Variants in SLC6A6 observed in about 807,000 individuals in gnomAD.
SLC6A6 encodes sodium- and chloride-dependent taurine transporter.
In SLC6A6, 16 loss-of-function variants were observed where a neutral mutation model predicts 68.8. The observed-to-expected ratio is 0.23, with a 90% CI of 0.16 to 0.35. The LOEUF is 0.35. Ranked by LOEUF, SLC6A6 falls within the 10% of genes least tolerant of loss-of-function variation. The pLI is 1.00. For missense variants in SLC6A6, 474 were observed against 802.8 expected (o/e 0.59, Z 4.95); for synonymous variants, 312 against 315.4 (o/e 0.99, Z 0.12).
At chr3:14,425,253 T>C (rs556017050) in intron 2 of SLC6A6, among the ~76,000 whole-genome samples, 5 of 152,310 alleles carry the variant, frequency 3.3e-5, no homozygotes, top group East Asian at 3.9e-4. Context: ...GGTCACCACT[T>C]GCAGCTGGGA....
intron 1 of SLC6A6, among the ~76,000 whole-genome samples, chr3:14,413,123 C>T (rs949935316): frequency 4.6e-5 from 7 of 152,206 alleles, no homozygotes; most frequent in Admixed American, 2.0e-4. Context: ...AGGCCCACAG[C>T]GGGATTTGGG....
intron 2 of SLC6A6, among the ~76,000 whole-genome samples, chr3:14,427,915 C>T (rs1699637496): frequency 6.6e-6 from 1 of 152,184 alleles, no homozygotes; most frequent in South Asian, 2.1e-4. Flanking sequence ...ATCCCAAGGG[C>T]CAGAAGGGTA....
intron 2 of SLC6A6, among the ~76,000 whole-genome samples, chr3:14,434,506 A>G (rs144181622): frequency 1.1e-3 from 164 of 152,348 alleles, no homozygotes; most frequent in African/African-American, 3.8e-3. Flanking sequence ...TGCCTGGCAC[A>G]TAGTAGGGTG....
chr3:14,406,573 G>A (rs192907019), intron 1 of SLC6A6, among the ~76,000 whole-genome samples: 16 of 152,312 alleles, frequency 1.1e-4, no homozygotes, highest in Admixed American at 7.8e-4. Flanking sequence ...CCGGTACACA[G>A]GCCATTAACT....
intron 14 of SLC6A6, among the ~76,000 whole-genome samples, chr3:14,482,415 C>G (rs1701029923): frequency 6.6e-6 from 1 of 152,246 alleles, no homozygotes; most frequent in African/African-American, 2.4e-5. Context: ...CTACCTTCAG[C>G]CTCCTCTCAG....
chr3:14,468,117 G>C lies in SLC6A6; in HGVS notation c.1001G>C (p.Ser334Thr), dbSNP rs1559310021. 6.2e-7 allele frequency: 1 copy of C among 1,614,162 alleles called. No individual in the cohort carries two copies. Among genetic ancestry groups the C allele is most frequent in the Non-Finnish European group, 8.5e-7 (1 of 1,180,030 alleles). Residue 334 changes from serine (S) to threonine (T), a missense_variant, in exon 9 of 15, where the codon AGT (serine) becomes ACT (threonine). By Grantham distance (58) the Ser-to-Thr change is moderately conservative. Around this residue, in one of 2 missense-constraint regions of SLC6A6, gnomAD observed 280 missense variants for 533.1 expected, o/e 0.53. Transcript: ENST00000622186. This position sits in a 1 kb window ranked among gnomAD's most constrained non-coding sequence, Gnocchi z 4.5. ...TGTATGCTGCTGGGATGCCTGAACA[G>C]TGGTACCAGTTTTGTGTCTGGCTTC... ...RDCMLLGCLNSGTSFVSGFAI... is the reference protein window; with the variant it reads ...RDCMLLGCLNTGTSFVSGFAI...
chr3:14,429,885 A>C (rs1184722584), intron 2 of SLC6A6, among the ~76,000 whole-genome samples: 1 of 152,146 alleles, frequency 6.6e-6, no homozygotes, highest in African/African-American at 2.4e-5. Context: ...CCCAAGGAGA[A>C]CTTTGAACTT....
chr3:14,482,743 G>T (rs1453781490), intron 14 of SLC6A6, among the ~76,000 whole-genome samples: 1 of 152,020 alleles, frequency 6.6e-6, no homozygotes, highest in East Asian at 1.9e-4. Flanking sequence ...GAAACTGGGG[G>T]GGCCCCTGGG....
chr3:14,441,560 T>C (rs1423409106), intron 2 of SLC6A6, among the ~76,000 whole-genome samples: 1 of 152,096 alleles, frequency 6.6e-6, no homozygotes, highest in Non-Finnish European at 1.5e-5. Context: ...AGTGAAACAA[T>C]TGGGGTCCCC....
Position 14,488,765 on chromosome 3 carries a change from C to T in SLC6A6, c.*3758C>T, listed in dbSNP as rs1559322484. 1 of 152,664 alleles carries T rather than the reference C, an allele frequency of 6.6e-6. No homozygotes were observed. Among genetic ancestry groups the T allele is most frequent in the Non-Finnish European group, 1.5e-5 (1 of 68,052 alleles). 9.5% of individuals were successfully genotyped at this position (152,664 alleles called of 1,614,324 possible). ...GCAGCCCTCCCCCTTTCCTTCTCTC[C>T]CTGATCCTCAGAATATATATTGTTG... On this transcript the variant is annotated 3_prime_UTR_variant, in exon 15 of 15. Coordinates refer to ENST00000622186, the MANE Select transcript of SLC6A6 (RefSeq NM_003043.6).
At position 14,445,839 on chromosome 3, in the gene SLC6A6, C is replaced by G; in HGVS notation, c.352C>G (p.Pro118Ala). 2 of 1,614,206 alleles carry G rather than the reference C, an allele frequency of 1.2e-6. No homozygotes were observed. Among genetic ancestry groups the G allele is most frequent in the Non-Finnish European group, 1.7e-6 (2 of 1,180,026 alleles). Residue 118 changes from proline to alanine, a missense_variant, in exon 4 of 15, where the codon CCC becomes GCC. Around this residue, in one of 2 missense-constraint regions of SLC6A6, gnomAD observed 280 missense variants for 533.1 expected, o/e 0.53. Transcript: ENST00000622186. ...GGITCWEKIC[P>A]LFSGIGYASV... ...CATCACCTGCTGGGAAAAGATCTGCCCCTTGTTCTCTGGTGAGTATGGGAC... is the reference window on the plus strand; with the variant it reads ...CATCACCTGCTGGGAAAAGATCTGCGCCTTGTTCTCTGGTGAGTATGGGAC...
intron 1 of SLC6A6, among the ~76,000 whole-genome samples, chr3:14,410,329 G>A (rs9810939): frequency 0.53 from 81,198 of 152,040 alleles, 22,909 homozygotes; most frequent in African/African-American, 0.68. Context: ...CAAACCTTCG[G>A]TGATATTGTT....
intron 9 of SLC6A6, among the ~76,000 whole-genome samples, chr3:14,469,685 C>G (rs775421839): frequency 7.2e-5 from 11 of 152,204 alleles, no homozygotes; most frequent in Non-Finnish European, 1.0e-4. Context: ...TGGACACATG[C>G]AACAACCTCT....
chr3:14,414,792 G>A (rs1242901212), intron 1 of SLC6A6, among the ~76,000 whole-genome samples: 1 of 152,220 alleles, frequency 6.6e-6, no homozygotes, highest in Non-Finnish European at 1.5e-5. Context: ...GCCTCCAAGA[G>A]TGCTGGGATT....
intron 9 of SLC6A6, among the ~76,000 whole-genome samples, chr3:14,469,020 G>A (rs538671911): frequency 7.9e-5 from 12 of 152,216 alleles, no homozygotes; most frequent in South Asian, 4.1e-4. Context: ...CAGGTGCCTC[G>A]ATTCTGGGAC....
chr3:14,436,455 C>T (rs1699853043), intron 2 of SLC6A6, among the ~76,000 whole-genome samples: 1 of 150,428 alleles, frequency 6.6e-6, no homozygotes, highest in African/African-American at 2.4e-5. Context: ...CCTTTCACTT[C>T]AGCCTTCCAG....
At position 14,479,018 on chromosome 3, in the gene SLC6A6, C is replaced by T. The variant is rs564056275; in HGVS notation, c.1451-67C>T. 3.0e-6 allele frequency: 3 copies of T among 987,416 alleles called. No individual in the cohort carries two copies. The Admixed American group carries it at 5.1e-5, about 17-fold the overall frequency. The allele number at this position is 987,416 out of a possible 1,614,324, so 61.2% of individuals were successfully genotyped here. On this transcript the variant is annotated intron_variant, in intron 12 of 14. Transcript: ENST00000622186. ...TGGATCAGGTCCCAGAGACCCCACTCATGGCCCCTGAGCTGCTGCTGGCCT... is the reference window on the plus strand; with the variant it reads ...TGGATCAGGTCCCAGAGACCCCACTTATGGCCCCTGAGCTGCTGCTGGCCT...
intron 1 of SLC6A6, among the ~76,000 whole-genome samples, chr3:14,403,276 T>G (rs1699030652): frequency 6.6e-6 from 1 of 152,070 alleles, no homozygotes. Context: ...TGCTGGGCTG[T>G]GTGTGTGTGC....
intron 1 of SLC6A6, among the ~76,000 whole-genome samples, chr3:14,404,005 G>A (rs1018419316): frequency 3.9e-5 from 6 of 152,180 alleles, no homozygotes; most frequent in African/African-American, 9.7e-5. Flanking sequence ...CTGGGCCCCC[G>A]TTTCCTGTCT....
Sources: allele counts gnomAD v4.1 joint callset (sites outside exome capture counted in the v4.1 genomes callset), GRCh38; gene constraint gnomAD v4.1.1; regional missense constraint gnomAD v4.1.1; non-coding constraint Gnocchi (gnomAD v3.1); transcripts MANE v1.5; gene names NCBI Gene and HGNC (gene_info 2026-07-23, HGNC 2026-07-21).